Variants in ART1 observed in about 807,000 individuals in gnomAD.
The protein encoded by ART1 is ADP-ribosyltransferase 1.
A neutral mutation model predicts 27.0 loss-of-function variants in ART1; 29 were observed. The observed-to-expected ratio is 1.08, with a 90% CI of 0.80 to 1.47. The LOEUF is 1.47. Ranked by LOEUF, ART1 falls within the 40% of genes most tolerant of loss-of-function variation. ART1 has a pLI of 0.00. For missense variants in ART1, 480 were observed against 423.0 expected (o/e 1.13, Z -1.18); for synonymous variants, 201 against 172.2 (o/e 1.17, Z -1.31).
intron 1 of ART1, among the ~76,000 whole-genome samples, chr11:3,651,553 G>A (rs59574859): frequency 0.12 from 17,072 of 140,020 alleles, 1,438 homozygotes; most frequent in African/African-American, 0.2. Context: ...TTGCCCTTAC[G>A]TTTTAGCCTA....
chr11:3,657,165 A>G (rs563595716), intron 1 of ART1, among the ~76,000 whole-genome samples: 32 of 152,320 alleles, frequency 2.1e-4, no homozygotes, highest in Non-Finnish European at 3.8e-4. Context: ...AACCACCTTG[A>G]TATTTATGTA....
At chr11:3,649,799 C>T (rs138735292) in intron 1 of ART1, among the ~76,000 whole-genome samples, 4,510 of 152,248 alleles carry the variant, frequency 0.03, 239 homozygotes, top group African/African-American at 0.1. Flanking sequence ...TCCGACCTCT[C>T]CCGAATCAGA....
At position 3,663,901 on chromosome 11, in the gene ART1, T is replaced by A. The variant is rs1178097475; in HGVS notation, c.887-191T>A. ...AATAAGTTCTGATAACCCATTACCA[T>A]TGGACCAGCTCCTCCCTAAACTTGA... On this transcript the variant is annotated intron_variant, in intron 4 of 4. Transcript: ENST00000250693. 1.2e-5 allele frequency: 7 copies of A among 578,216 alleles called. No individual in the cohort carries two copies. The East Asian group carries it at 2.1e-4, about 17-fold the overall frequency. The allele number at this position is 578,216 out of a possible 1,614,324, so 35.8% of individuals were successfully genotyped here. A position where few individuals can be genotyped will look rare whatever the true frequency, so the allele number is the denominator to read the frequency against.
chr11:3,656,073 C>T (rs2077572460), intron 1 of ART1, among the ~76,000 whole-genome samples: 1 of 151,244 alleles, frequency 6.6e-6, no homozygotes, highest in East Asian at 2.0e-4. Flanking sequence ...GTTGGGATTA[C>T]AAGCGCACAA....
chr11:3,647,057 A>G (rs1015183219), intron 1 of ART1, among the ~76,000 whole-genome samples: 1 of 152,212 alleles, frequency 6.6e-6, no homozygotes, highest in Non-Finnish European at 1.5e-5. Flanking sequence ...ACGGTGGCTT[A>G]TGCCTGTAAT....
At chr11:3,647,628 T>C (rs1315894682) in intron 1 of ART1, among the ~76,000 whole-genome samples, 1 of 151,854 alleles carries the variant, frequency 6.6e-6, no homozygotes, top group Non-Finnish European at 1.5e-5. Flanking sequence ...AGTGAGACCC[T>C]GTCTCAAAAT....
Position 3,659,176 on chromosome 11 carries a change from A to G in ART1, c.-38A>G. On this transcript the variant is annotated 5_prime_UTR_variant, in exon 2 of 5. Transcript: ENST00000250693. ...CAATTTTCCAGATGAGGAAACTGAG[A>G]CCCAAAAAGAGACAGCAACTGGCCC... The G allele has an allele frequency of 6.2e-7, 1 of 1,606,380 alleles. No individual in the cohort carries two copies. Among genetic ancestry groups the G allele is most frequent in the Non-Finnish European group, 8.5e-7 (1 of 1,173,272 alleles).
At chr11:3,658,348 AAG>A (rs1263026071) in intron 1 of ART1, among the ~76,000 whole-genome samples, 2 of 151,096 alleles carry the variant, frequency 1.3e-5, no homozygotes, top group Admixed American at 6.6e-5. Context: ...AAAAAAAAAA[AAG>A]AGAGAGAAAG....
chr11:3,651,926 C>T (rs374923759), intron 1 of ART1, among the ~76,000 whole-genome samples: 21,583 of 141,512 alleles, frequency 0.15, 2,391 homozygotes, highest in African/African-American at 0.3. Context: ...TTGATGGCAG[C>T]TCCACCAGGC....
chr11:3,653,520 C>G (rs974795966), intron 1 of ART1, among the ~76,000 whole-genome samples: 8 of 151,814 alleles, frequency 5.3e-5, no homozygotes, highest in Non-Finnish European at 1.0e-4. Flanking sequence ...ACGGACCCAC[C>G]CTTATCTCCC....
At chr11:3,647,486 T>C (rs2077478397) in intron 1 of ART1, among the ~76,000 whole-genome samples, 1 of 151,432 alleles carries the variant, frequency 6.6e-6, no homozygotes, top group South Asian at 2.1e-4. Flanking sequence ...ATACAAAAAT[T>C]AGCTGGGCGT....
rs758552718 is a variant in ART1, at chr11:3,661,423, G to T, written c.886+10G>T. ...CATCTGGATAATTCAGGTAAGGGCT[G>T]CAGGCACCTGTGGGACTCAGTTCAG... On this transcript the variant is annotated intron_variant, in intron 4 of 4. Coordinates refer to ENST00000250693, the MANE Select transcript of ART1 (RefSeq NM_004314.3). The T allele has an allele frequency of 1.9e-6, 3 of 1,610,714 alleles. No homozygotes were observed. The highest frequency in any genetic ancestry group is 2.5e-6 in the Non-Finnish European group (3 of 1,179,082).
At chr11:3,645,448 G>A (rs1429240618) in intron 1 of ART1, among the ~76,000 whole-genome samples, 1 of 152,126 alleles carries the variant, frequency 6.6e-6, no homozygotes, top group South Asian at 2.1e-4. Context: ...GGATGAGAGG[G>A]AGGACAGAAG....
At chr11:3,653,564 G>T (rs2077545607) in intron 1 of ART1, among the ~76,000 whole-genome samples, 1 of 152,032 alleles carries the variant, frequency 6.6e-6, no homozygotes, top group Non-Finnish European at 1.5e-5. Context: ...CAGTCCACCT[G>T]CACTCAGGTG....
Position 3,659,808 on chromosome 11 carries a change from A to G in ART1, c.289A>G (p.Ser97Gly). The G allele has an allele frequency of 1.9e-6, 3 of 1,612,648 alleles. No homozygotes were observed. Among genetic ancestry groups the G allele is most frequent in the Non-Finnish European group, 2.5e-6 (3 of 1,179,576 alleles). The change falls in exon 3 of 5, where the codon AGT (serine) becomes GGT (glycine). Residue 97 changes from serine to glycine, a missense_variant. By Grantham distance (56) the Ser-to-Gly change is moderately conservative. Coordinates refer to ENST00000250693, the MANE Select transcript of ART1 (RefSeq NM_004314.3). The stretch of plus-strand genomic sequence containing the variant: ...GCGTCAGGCCAGGTGGCCAGAGTGG[A>G]GTCTCAGCCCCACCCGTCCATCCCC... The part of the protein sequence containing the change: ...QERQARWPEW[S>G]LSPTRPSPPP...
intron 3 of ART1, among the ~76,000 whole-genome samples, chr11:3,660,726 G>C (rs1328710310): frequency 6.6e-6 from 1 of 152,232 alleles, no homozygotes; most frequent in East Asian, 1.9e-4. Context: ...CACCTAGATA[G>C]CTGTTGCCAG....
In ART1 at chr11:3,664,196, A is replaced by T; in HGVS notation, c.*7A>T. ...TGGTCCAGGCCTCCTTTGATGCATG[A>T]GACACGGGACAGCCTCGCCTGCTGC... On this transcript the variant is annotated 3_prime_UTR_variant, in exon 5 of 5. Transcript: ENST00000250693. 6.2e-7 allele frequency: 1 copy of T among 1,613,210 alleles called. No individual in the cohort carries two copies. Among genetic ancestry groups the T allele is most frequent in the Non-Finnish European group, 8.5e-7 (1 of 1,179,740 alleles).
intron 1 of ART1, 72 bp from the exon 2 acceptor site, chr11:3,659,090 A>T: frequency 1.1e-6 from 1 of 886,818 alleles, no homozygotes; most frequent in Non-Finnish European, 1.8e-6. Flanking sequence ...AGTGCCAAGC[A>T]CTAGGAATGG....
At chr11:3,650,758 C>T (rs995967003) in intron 1 of ART1, among the ~76,000 whole-genome samples, 1 of 151,472 alleles carries the variant, frequency 6.6e-6, no homozygotes, top group African/African-American at 2.4e-5. Flanking sequence ...TACAGCCACA[C>T]CTCATTGCCA....
Sources: allele counts gnomAD v4.1 joint callset (sites outside exome capture counted in the v4.1 genomes callset), GRCh38; gene constraint gnomAD v4.1.1; transcripts MANE v1.5; gene names NCBI Gene and HGNC (gene_info 2026-07-23, HGNC 2026-07-21).